The following CCT3 variants were observed in gnomAD, a reference collection of about 807,000 sequenced individuals.
The protein encoded by CCT3 is chaperonin containing TCP1 subunit 3.
CCT3 carries 10 observed loss-of-function variants against 65.3 expected under a neutral mutation model. The ratio of observed to expected loss-of-function variants is 0.15; its 90% CI spans 0.09 to 0.26. The LOEUF (loss-of-function observed/expected upper bound fraction) is 0.26, where lower values mean the gene tolerates loss of function less well. Among genes scored for constraint, CCT3 ranks in the 10% least tolerant of loss-of-function variants. CCT3 has a pLI of 1.00. For synonymous variants in CCT3, 225 were observed against 242.3 expected, an observed-to-expected ratio of 0.93 and a Z score of 0.66; for missense variants, 626 against 708.7, an observed-to-expected ratio of 0.88 and a Z score of 1.33.
intron 5 of CCT3, among the ~76,000 whole-genome samples, chr1:156,328,727 A>AAGGCC (rs1664970674): frequency 6.6e-6 from 1 of 151,796 alleles, no homozygotes; most frequent in Non-Finnish European, 1.5e-5. Context: ...TGCGGAAGGC[A>AAGGCC]GCAGGGTCCT....
At chr1:156,334,078 A>C (rs1032526563) in intron 4 of CCT3, among the ~76,000 whole-genome samples, 8 of 152,086 alleles carry the variant, frequency 5.3e-5, no homozygotes, top group Admixed American at 5.2e-4. Context: ...TCTCTACTAA[A>C]AGTACAAAAA....
intron 1 of CCT3, chr1:156,337,915 C>T (rs1206197054): frequency 1.8e-6 from 1 of 559,416 alleles, no homozygotes; most frequent in African/African-American, 1.9e-5. Context: ...AAGAGCTTCC[C>T]AAGACGAGCA....
At chr1:156,338,116 G>A in intron 1 of CCT3, 38 bp downstream of exon 1, 1 of 1,570,232 alleles carries the variant, frequency 6.4e-7, no homozygotes, top group Non-Finnish European at 8.6e-7. Context: ...AGAAGAGGGC[G>A]AAAAGGGGGT....
intron 1 of CCT3, chr1:156,337,130 C>A: frequency 3.9e-6 from 5 of 1,278,666 alleles, no homozygotes; most frequent in South Asian, 1.2e-5. Context: ...AGGGACCGGG[C>A]GCGGTGGCTC....
chr1:156,313,350 G>GGAAAAAA (rs570894422), intron 10 of CCT3, among the ~76,000 whole-genome samples: 5 of 106,746 alleles, frequency 4.7e-5, no homozygotes, highest in Admixed American at 2.3e-4. Flanking sequence ...AAAAAAAAAA[G>GGAAAAAA]AAAAAAAAAA....
chr1:156,327,660 T>C (rs1167488908), intron 5 of CCT3, among the ~76,000 whole-genome samples: 6 of 151,964 alleles, frequency 3.9e-5, no homozygotes, highest in African/African-American at 1.4e-4. Context: ...CCCAGCCGCC[T>C]GCCTTGGCCT....
At position 156,311,200 on chromosome 1, in the gene CCT3, G is replaced by A. The variant is rs771919001; in HGVS notation, c.1156-5C>T. 1.9e-6 allele frequency: 3 copies of A among 1,613,104 alleles called. No homozygotes were observed. Among genetic ancestry groups the A allele is most frequent in the Admixed American group, 1.7e-5 (1 of 59,940 alleles). On this transcript the variant is annotated splice_polypyrimidine_tract_variant and splice_region_variant and intron_variant, in intron 11 of 13. Transcript: ENST00000295688. ...CTGGAGGTTGCGTTCTACTTCCTTGGAGAAGCAAACAGACAGTATGAAGCC... is the reference window on the plus strand; with the variant it reads ...CTGGAGGTTGCGTTCTACTTCCTTGAAGAAGCAAACAGACAGTATGAAGCC...
chr1:156,313,544 G>A (rs773138992), intron 10 of CCT3, among the ~76,000 whole-genome samples: 16 of 152,166 alleles, frequency 1.1e-4, no homozygotes, highest in Non-Finnish European at 1.8e-4. Context: ...GGGCAGTCAA[G>A]TTTATGTCTT....
intron 5 of CCT3, among the ~76,000 whole-genome samples, chr1:156,328,868 A>T: frequency 6.7e-6 from 1 of 149,212 alleles, no homozygotes; most frequent in East Asian, 1.9e-4. Flanking sequence ...ATAAAAATAA[A>T]AAAAAAAAAT....
intron 5 of CCT3, chr1:156,333,291 CAAAA>C (rs35038881): frequency 2.9e-3 from 684 of 236,990 alleles, no homozygotes; most frequent in Middle Eastern, 4.3e-3. Context: ...GACTCTGTCT[CAAAA>C]AAAAAAAAAA....
intron 8 of CCT3, 74 bp from the exon 9 acceptor site, chr1:156,317,621 T>G (rs1420339051): frequency 7.3e-7 from 1 of 1,378,554 alleles, no homozygotes; most frequent in Admixed American, 2.0e-5. Context: ...ATTATACTCC[T>G]TCCACCCACC....
intron 7 of CCT3, among the ~76,000 whole-genome samples, chr1:156,319,565 G>A (rs1459474319): frequency 6.6e-6 from 1 of 151,984 alleles, no homozygotes; most frequent in Non-Finnish European, 1.5e-5. Context: ...TCAATGACTT[G>A]ACAAAAGACT....
chr1:156,314,696 A>C (rs1455351638), intron 10 of CCT3, among the ~76,000 whole-genome samples: 1 of 152,172 alleles, frequency 6.6e-6, no homozygotes, highest in African/African-American at 2.4e-5. Context: ...CGTGGGCGAC[A>C]AGAGCGAAAC....
At chr1:156,327,707 C>T (rs548768643) in intron 5 of CCT3, among the ~76,000 whole-genome samples, 24 of 151,194 alleles carry the variant, frequency 1.6e-4, no homozygotes, top group African/African-American at 5.8e-4. Context: ...GCCCGGCCGC[C>T]ACCCCGTCTG....
intron 5 of CCT3, among the ~76,000 whole-genome samples, chr1:156,332,023 A>C (rs1463802511): frequency 5.3e-5 from 7 of 132,552 alleles, no homozygotes; most frequent in Admixed American, 8.6e-5. Flanking sequence ...CAAGAGTGAG[A>C]CTCCATCTCA....
At chr1:156,317,027 G>T (rs1427469893) in intron 10 of CCT3, 139 bp downstream of exon 10, 2 of 709,530 alleles carry the variant, frequency 2.8e-6, no homozygotes, top group Non-Finnish European at 5.0e-6. Flanking sequence ...CTTCTGAAGA[G>T]GGCAGGCAGC....
intron 5 of CCT3, among the ~76,000 whole-genome samples, chr1:156,326,649 C>CAAAAAAAAAAAAAAAAA (rs760908966): frequency 2.0e-4 from 13 of 65,580 alleles, no homozygotes; most frequent in Non-Finnish European, 2.6e-4. Flanking sequence ...GACTCCATCT[C>CAAAAAAAAAAAAAAAAA]AAAAAAAAAA....
chr1:156,319,518 A>T (rs565932446), intron 7 of CCT3, among the ~76,000 whole-genome samples: 94 of 152,264 alleles, frequency 6.2e-4, no homozygotes, highest in African/African-American at 2.2e-3. Context: ...TTAGACCATG[A>T]CACTCAACTT....
Position 156,310,542 on chromosome 1 carries a change from T to C in CCT3, c.1533+16A>G, listed in dbSNP as rs1346700340. On this transcript the variant is annotated intron_variant, in intron 13 of 13. Transcript: ENST00000295688. ...AATTAATTAAAACAGCGTGTACATA[T>C]CTTAGGGTGCCTTACCTCCACTGCT... 2 of 1,600,264 alleles carry C rather than the reference T, an allele frequency of 1.2e-6. No homozygotes were observed. Among genetic ancestry groups the C allele is most frequent in the Admixed American group, 1.7e-5 (1 of 57,806 alleles).
Sources: gnomAD v4.1 joint callset for allele counts (sites outside exome capture counted in the v4.1 genomes callset) on GRCh38, gnomAD v4.1.1 for gene constraint, MANE v1.5 for transcripts, NCBI Gene and HGNC (gene_info 2026-07-23, HGNC 2026-07-21) for gene names.